TM2D3: variants seen among roughly 807,000 people sequenced by gnomAD.
TM2D3 encodes the protein TM2 domain containing 3.
In TM2D3, 33 loss-of-function variants were observed where a neutral mutation model predicts 27.3. The ratio of observed to expected loss-of-function variants is 1.21; its 90% CI spans 0.92 to 1.61. TM2D3 has a LOEUF of 1.61. Ranked by LOEUF, TM2D3 falls within the 40% of genes most tolerant of loss-of-function variation. TM2D3 has a pLI of 0.00. For synonymous variants in TM2D3, 138 were observed against 122.2 expected (o/e 1.13, Z -0.85); for missense variants, 364 against 320.8 (o/e 1.13, Z -1.03).
At chr15:101,649,126 ATTTG>A (rs1364672000) in intron 3 of TM2D3, among the ~76,000 whole-genome samples, 1 of 151,728 alleles carries the variant, frequency 6.6e-6, no homozygotes, top group Non-Finnish European at 1.5e-5. Context: ...TTATATATCT[ATTTG>A]TATTTCCTTT....
chr15:101,646,717 T>C lies in TM2D3; in HGVS notation c.502+8A>G, dbSNP rs750855579. 5.0e-6 allele frequency: 8 copies of C among 1,614,070 alleles called. No individual in the cohort carries two copies. In the African/African-American group the frequency reaches 1.1e-4, roughly 22 times the overall value. ...TTTGTTGACAAATGTCCTTGAACTC[T>C]GACCTACCCAAGCAGTGGACGTGGT... On this transcript the variant is annotated splice_region_variant and intron_variant, in intron 4 of 5. Coordinates refer to ENST00000333202, the MANE Select transcript of TM2D3 (RefSeq NM_078474.3).
At chr15:101,638,919 T>C (rs971100263), downstream of TM2D3, among the ~76,000 whole-genome samples, 29 of 152,328 alleles carry the variant, frequency 1.9e-4, no homozygotes, top group African/African-American at 6.5e-4. Flanking sequence ...AATTCCTCCT[T>C]ACTCATTCAT....
chr15:101,647,163 T>G (rs1383882945), intron 3 of TM2D3, among the ~76,000 whole-genome samples: 1 of 152,230 alleles, frequency 6.6e-6, no homozygotes, highest in Non-Finnish European at 1.5e-5. Flanking sequence ...TAGCAAAGGT[T>G]ATTTCAGGGT....
intron 5 of TM2D3, among the ~76,000 whole-genome samples, 172 bp from the exon 6 acceptor site, chr15:101,642,816 G>T (rs1896702862): frequency 6.6e-6 from 1 of 152,186 alleles, no homozygotes; most frequent in Non-Finnish European, 1.5e-5. Flanking sequence ...ATAATTACGG[G>T]CAGGAAGACA....
downstream of TM2D3, among the ~76,000 whole-genome samples, chr15:101,641,221 C>T (rs557666464): frequency 1.6e-4 from 25 of 152,246 alleles, no homozygotes; most frequent in African/African-American, 5.3e-4. Flanking sequence ...CCACATAAAC[C>T]GGGTTACTCC....
At chr15:101,649,338 T>C (rs1479523354) in intron 3 of TM2D3, among the ~76,000 whole-genome samples, 1 of 152,182 alleles carries the variant, frequency 6.6e-6, no homozygotes, top group Non-Finnish European at 1.5e-5. Context: ...ATCTCCAATT[T>C]TTAGGAGTCA....
At chr15:101,649,585 A>G (rs879704865) in intron 3 of TM2D3, among the ~76,000 whole-genome samples, 9 of 152,206 alleles carry the variant, frequency 5.9e-5, no homozygotes, top group African/African-American at 1.7e-4. Flanking sequence ...CCATCTTCTC[A>G]CCACAGATAA....
chr15:101,637,142 ATG>A (rs1896568956), downstream of TM2D3, among the ~76,000 whole-genome samples: 3 of 152,222 alleles, frequency 2.0e-5, no homozygotes, highest in Admixed American at 2.0e-4. Flanking sequence ...CTTCCAGATC[ATG>A]GGTAGATTCA....
At chr15:101,638,570 T>C (rs1596259748), downstream of TM2D3, among the ~76,000 whole-genome samples, 2 of 152,258 alleles carry the variant, frequency 1.3e-5, no homozygotes, top group East Asian at 3.9e-4. Context: ...AGTGCTGGGA[T>C]TGCAGGTGTG....
chr15:101,643,188 C>G (rs1201007054), intron 5 of TM2D3, among the ~76,000 whole-genome samples: 1 of 152,086 alleles, frequency 6.6e-6, no homozygotes, highest in Non-Finnish European at 1.5e-5. Context: ...GAACAGTACC[C>G]ATGACTCAGC....
intron 5 of TM2D3, among the ~76,000 whole-genome samples, chr15:101,644,227 CTTCT>C (rs2055181541): frequency 6.6e-6 from 1 of 152,160 alleles, no homozygotes; most frequent in African/African-American, 2.4e-5. Flanking sequence ...AGGCAAGATC[CTTCT>C]TTCCTCAGCT....
intron 4 of TM2D3, chr15:101,634,714 A>T (rs1471344742): frequency 2.6e-5 from 4 of 152,232 alleles, no homozygotes; most frequent in Non-Finnish European, 5.9e-5. Context: ...CAACAAATTT[A>T]AAATAACTAA....
chr15:101,633,547 A>G (rs147452697), exon 5 of TM2D3: 29 of 719,712 alleles, frequency 4.0e-5, no homozygotes, highest in African/African-American at 3.7e-4. Context: ...AGCAGTTCCT[A>G]TCAGACCATC....
rs1403671809 is a variant in TM2D3 at position 101,644,183 on chromosome 15, C to T, written c.578+904G>A. 2.0e-5 allele frequency among the ~76,000 whole-genome samples: 3 copies of T among 152,256 alleles called. No homozygotes were observed. The East Asian group carries it at 5.8e-4, about 29-fold the overall frequency. On this transcript the variant is annotated intron_variant, in intron 5 of 5. Transcript: ENST00000333202. ...GTTAGTCTCATTTTCTATCCTGGCACCCTCTTTTACTTTTCAGTTACACTT... is the reference window on the plus strand; with the variant it reads ...GTTAGTCTCATTTTCTATCCTGGCATCCTCTTTTACTTTTCAGTTACACTT...
downstream of TM2D3, among the ~76,000 whole-genome samples, chr15:101,641,341 G>C (rs1348466482): frequency 6.6e-6 from 1 of 152,078 alleles, no homozygotes; most frequent in African/African-American, 2.4e-5. Context: ...AAATGTAATG[G>C]GGATGCGCCA....
At chr15:101,640,771 G>A (rs1896648135), downstream of TM2D3, among the ~76,000 whole-genome samples, 2 of 152,210 alleles carry the variant, frequency 1.3e-5, no homozygotes, top group South Asian at 2.1e-4. Flanking sequence ...ATTCCTGACT[G>A]GCTTACATCC....
At position 101,642,551 on chromosome 15, in the gene TM2D3, T is replaced by C. The variant is rs368517024; in HGVS notation, c.672A>G (p.Ile224Met). Residue 224 changes from isoleucine (I) to methionine (M), a missense_variant, in exon 6 of 6, where the codon ATA (isoleucine) becomes ATG (methionine). Physicochemically the swap from Ile to Met is conservative, Grantham distance 10. Transcript: ENST00000333202. ...GKLFSFGGLG[I>M]WTLIDVLLIG... The stretch of plus-strand genomic sequence containing the variant: ...TGAGCAGGACGTCTATCAGCGTCCA[T>C]ATTCCCAGGCCACCGAAGCTGAAGA... 18 of 1,613,346 alleles carry C rather than the reference T, an allele frequency of 1.1e-5. No individual in the cohort carries two copies. The highest frequency in any genetic ancestry group is 2.2e-5 in the East Asian group (1 of 44,880).
chr15:101,641,374 G>C (rs182147159), downstream of TM2D3, among the ~76,000 whole-genome samples: 27 of 152,294 alleles, frequency 1.8e-4, no homozygotes, highest in Non-Finnish European at 3.1e-4. Flanking sequence ...AGATGGAACT[G>C]TCACTCAACT....
At chr15:101,646,999 CTTGT>C in intron 3 of TM2D3, 100 bp from the exon 4 acceptor site, 2 of 1,342,820 alleles carry the variant, frequency 1.5e-6, no homozygotes, top group South Asian at 1.3e-5. Context: ...TCCGTAAATG[CTTGT>C]ATTTAGGACC....
Sources: allele counts gnomAD v4.1 joint callset (sites outside exome capture counted in the v4.1 genomes callset), GRCh38; gene constraint gnomAD v4.1.1; transcripts MANE v1.5; gene names NCBI Gene and HGNC (gene_info 2026-07-23, HGNC 2026-07-21).